Variants in CHD8 observed in about 807,000 individuals in gnomAD.
CHD8 encodes ATP-dependent chromatin remodeler CHD8.
CHD8 carries 31 observed loss-of-function variants against 279.2 expected under a neutral mutation model. That is an observed-to-expected ratio of 0.11 (90% CI 0.08 to 0.15). CHD8 has a LOEUF of 0.15. Among genes scored for constraint, CHD8 ranks in the 10% least tolerant of loss-of-function variants. The pLI, the probability that CHD8 is intolerant of heterozygous loss-of-function variation, is 1.00. For missense variants in CHD8, 2,146 were observed against 3,230.5 expected, an observed-to-expected ratio of 0.66 and a Z score of 8.14; for synonymous variants, 1,081 against 1,139.6, an observed-to-expected ratio of 0.95 and a Z score of 1.04.
In CHD8 at chr14:21,391,715, A is replaced by G. The variant is rs190328036; in HGVS notation, c.6886-73T>C. 304 of 1,520,292 alleles carry G rather than the reference A, an allele frequency of 2.0e-4. 1 individual carries two copies. The African/African-American group carries it at 3.7e-3, about 19-fold the overall frequency. 94.2% of individuals were successfully genotyped at this position (1,520,292 alleles called of 1,614,324 possible). On this transcript the variant is annotated intron_variant, in intron 35 of 37. Transcript: ENST00000646647. ...GAGGGAGGGAGGGGGAGCAGGGCCA[A>G]TGGTAGTCATGAAATGACTCTAGTA...
At chr14:21,426,103 C>T (rs1223090645) in intron 5 of CHD8, 25 bp downstream of exon 5, 2 of 1,378,998 alleles carry the variant, frequency 1.5e-6, no homozygotes, top group Non-Finnish European at 2.0e-6. Flanking sequence ...GTTTTTTCTA[C>T]TAAATTCTTT....
At position 21,415,536 on chromosome 14, in the gene CHD8, AATAAATAAAAAT is replaced by A. The variant is rs566500015; in HGVS notation, c.1968+26_1968+37del. The A allele has an allele frequency of 3.0e-3, 3,094 of 1,043,210 alleles. 80 individuals carry two copies. In the African/African-American group the frequency reaches 0.048, roughly 16 times the overall value. The allele number at this position is 1,043,210 out of a possible 1,614,324, so 64.6% of individuals were successfully genotyped here. A position where few individuals can be genotyped will look rare whatever the true frequency, so the allele number is the denominator to read the frequency against. ...AAATAAATAAATAAATAAATAAATA[AATAAATAAAAAT>A]AATAATAATAATAAAAAGCCCTCAC... On this transcript the variant is annotated intron_variant, in intron 7 of 37. Transcript: ENST00000646647.
At chr14:21,437,662 G>A (rs911088931) in intron 1 of CHD8, among the ~76,000 whole-genome samples, 1 of 152,124 alleles carries the variant, frequency 6.6e-6, no homozygotes, top group African/African-American at 2.4e-5. Flanking sequence ...CTCCTGTAGT[G>A]ACTACACCGT....
intron 5 of CHD8, among the ~76,000 whole-genome samples, chr14:21,420,981 C>T (rs550616500): frequency 1.3e-4 from 20 of 152,108 alleles, no homozygotes; most frequent in Admixed American, 3.3e-4. Flanking sequence ...AGGCTGGACT[C>T]GAACTCCCGA....
chr14:21,392,066 G>C, intron 34 of CHD8, 120 bp from the exon 35 acceptor site: 1 of 797,164 alleles, frequency 1.3e-6, no homozygotes, highest in South Asian at 1.4e-5. Flanking sequence ...TGAGAAGGAA[G>C]GCCATCTGAC....
rs767231058 is a variant in CHD8, at chr14:21,431,616, C to A, written c.28G>T (p.Asp10Tyr). MADPIMDLFDDPNLFGLDSL... is the reference protein window; with the variant it reads MADPIMDLFYDPNLFGLDSL... Reference sequence around the variant, plus strand: ...TCCAGGCCAAATAAATTTGGGTCATCGAACAGATCCATGATGGGGTCTGCC... The same window carrying A: ...TCCAGGCCAAATAAATTTGGGTCATAGAACAGATCCATGATGGGGTCTGCC... Residue 10 changes from aspartate (D) to tyrosine (Y), a missense_variant, in exon 2 of 38, where the codon GAT (aspartate) becomes TAT (tyrosine). Transcript: ENST00000646647. 2.6e-6 allele frequency: 4 copies of A among 1,537,940 alleles called. No homozygotes were observed. Among genetic ancestry groups the A allele is most frequent in the Non-Finnish European group, 3.5e-6 (4 of 1,146,904 alleles).
chr14:21,447,470 CAA>C (rs1386741360), intron 1 of CHD8, among the ~76,000 whole-genome samples: 1 of 151,462 alleles, frequency 6.6e-6, no homozygotes, highest in East Asian at 1.9e-4. Flanking sequence ...CTCCAGAGTT[CAA>C]GTTATTCTCC....
chr14:21,396,042 G>A (rs1386763788), intron 27 of CHD8, 150 bp from the exon 28 acceptor site: 8 of 634,904 alleles, frequency 1.3e-5, no homozygotes, highest in Non-Finnish European at 2.2e-5. Flanking sequence ...TGTCGCCCAG[G>A]CTGGAGTGTC....
At chr14:21,453,073 C>T (rs1020872270) in intron 1 of CHD8, among the ~76,000 whole-genome samples, 3 of 151,660 alleles carry the variant, frequency 2.0e-5, no homozygotes, top group Admixed American at 6.6e-5. Flanking sequence ...CTTCGGGAGG[C>T]CAAGGTGGGT....
At chr14:21,428,941 TC>T in intron 3 of CHD8, 22 bp downstream of exon 3, 3 of 1,612,166 alleles carry the variant, frequency 1.9e-6, no homozygotes, top group Non-Finnish European at 1.7e-6. Context: ...TTCTTTCTTT[TC>T]CTTACTATGT....
rs776351298 is a variant in CHD8, at chr14:21,393,221, T to G, written c.6353A>C (p.Glu2118Ala). The G allele has an allele frequency of 1.5e-5, 24 of 1,613,988 alleles. No individual in the cohort carries two copies. The highest frequency in any genetic ancestry group is 1.9e-5 in the Non-Finnish European group (22 of 1,179,886). ...GGACATAGTGAGGGACAGGAGACTC[T>G]CTTCATCATAGAGCTTTGAGCGGGA... ...DQSRSKLYDE[E>A]SLLSLTMSQD... The change falls in exon 33 of 38, where the codon GAG becomes GCG. Residue 2118 changes from glutamate to alanine, a missense_variant. Physicochemically the swap from Glu to Ala is moderately radical, Grantham distance 107. Around this residue, in one of 26 missense-constraint regions of CHD8, gnomAD observed 513 missense variants for 637.6 expected, o/e 0.80. Coordinates refer to ENST00000646647, the MANE Select transcript of CHD8 (RefSeq NM_001170629.2).
chr14:21,449,478 A>G (rs982964094), intron 1 of CHD8, among the ~76,000 whole-genome samples: 2 of 152,200 alleles, frequency 1.3e-5, no homozygotes, highest in Non-Finnish European at 2.9e-5. Flanking sequence ...GACTTGGCAG[A>G]GCTGATCTGT....
intron 1 of CHD8, among the ~76,000 whole-genome samples, chr14:21,438,771 G>A (rs1305778538): frequency 6.6e-6 from 1 of 151,858 alleles, no homozygotes; most frequent in African/African-American, 2.4e-5. Context: ...AGAGGTTGCA[G>A]TGAGCCAAGA....
Position 21,392,605 on chromosome 14 carries a change from C to G in CHD8, c.6673G>C (p.Ala2225Pro), listed in dbSNP as rs1887596586. 1.9e-6 allele frequency: 3 copies of G among 1,613,950 alleles called. No individual in the cohort carries two copies. Among genetic ancestry groups the G allele is most frequent in the Non-Finnish European group, 2.5e-6 (3 of 1,179,890 alleles). ...CTGACTGCAGATGCTTCCTCCTCTG[C>G]CATGGAAGCTGCACTACTACTTCGT... ...TPRSSSAASM[A>P]EEEASAVSTA... Residue 2225 changes from alanine (A) to proline (P), a missense_variant, in exon 34 of 38, where the codon GCA becomes CCA. Transcript: ENST00000646647.
In CHD8 at chr14:21,400,122, T is replaced by A. The variant is rs1162008263; in HGVS notation, c.4727+29A>T. The A allele has an allele frequency of 6.2e-7, 1 of 1,613,654 alleles. No homozygotes were observed. The highest frequency in any genetic ancestry group is 1.7e-5 in the Admixed American group (1 of 60,000). ...TCAGTAACACTGTAGAAGTTTGAGG[T>A]GGAAAATGTCTGCTAATTCTATGCT... On this transcript the variant is annotated intron_variant, in intron 24 of 37. Coordinates refer to ENST00000646647, the MANE Select transcript of CHD8 (RefSeq NM_001170629.2). The surrounding 1 kb of genome is among the most constrained non-coding windows in gnomAD (Gnocchi z 4.2).
chr14:21,426,393 G>C lies in CHD8; in HGVS notation c.1602-151C>G, dbSNP rs11848144. 8.0e-3 allele frequency: 4,657 copies of C among 580,582 alleles called. 177 individuals carry two copies. The highest frequency in any genetic ancestry group is 0.078 in the African/African-American group (4,098 of 52,722). 36.0% of individuals were successfully genotyped at this position (580,582 alleles called of 1,614,324 possible). A position where few individuals can be genotyped will look rare whatever the true frequency, so the allele number is the denominator to read the frequency against. ...AGGACACACAGCTACTAAATATGGT[G>C]TTTGAAAAAAAGAAGATATTAGGGT... On this transcript the variant is annotated intron_variant, in intron 4 of 37. Coordinates refer to ENST00000646647, the MANE Select transcript of CHD8 (RefSeq NM_001170629.2).
Position 21,396,405 on chromosome 14 carries a change from C to T in CHD8, c.5052-513G>A, listed in dbSNP as rs1344624098. On this transcript the variant is annotated intron_variant, in intron 27 of 37. Coordinates refer to ENST00000646647, the MANE Select transcript of CHD8 (RefSeq NM_001170629.2). Reference sequence around the variant, plus strand: ...CACTGCAACCTGTGCCTCCCGGGTTCAAGCGATTCTCCTGCCTCAGCCTCC... The same window carrying T: ...CACTGCAACCTGTGCCTCCCGGGTTTAAGCGATTCTCCTGCCTCAGCCTCC... Among the ~76,000 whole-genome samples, 9 of 152,072 alleles carry T rather than the reference C, an allele frequency of 5.9e-5. No individual in the cohort carries two copies. In the South Asian group the frequency reaches 8.3e-4, roughly 14 times the overall value.
intron 1 of CHD8, among the ~76,000 whole-genome samples, chr14:21,446,685 A>C (rs1204980306): frequency 6.6e-6 from 1 of 152,216 alleles, no homozygotes; most frequent in Non-Finnish European, 1.5e-5. Flanking sequence ...AGGCACAAAG[A>C]GATAATACCT....
At chr14:21,429,549 G>A in intron 2 of CHD8, 4 of 687,654 alleles carry the variant, frequency 5.8e-6, no homozygotes, top group African/African-American at 1.7e-5. Flanking sequence ...AGAGTGCAGT[G>A]GCTATTCACA....
Sources: allele counts gnomAD v4.1 joint callset (sites outside exome capture counted in the v4.1 genomes callset), GRCh38; gene constraint gnomAD v4.1.1; regional missense constraint gnomAD v4.1.1; non-coding constraint Gnocchi (gnomAD v3.1); transcripts MANE v1.5; gene names NCBI Gene and HGNC (gene_info 2026-07-23, HGNC 2026-07-21).